The following BRINP3 variants were observed in gnomAD, a reference collection of about 807,000 sequenced individuals.
The protein encoded by BRINP3 is BMP/retinoic acid inducible neural specific 3, also known as BMP/retinoic acid-inducible neural-specific protein 3.
BRINP3 carries 19 observed loss-of-function variants against 71.0 expected under a neutral mutation model. The observed-to-expected ratio is 0.27, with a 90% CI of 0.19 to 0.39. BRINP3 has a LOEUF of 0.39. BRINP3 is among the 10% of genes least tolerant of loss of function. The pLI, the probability that BRINP3 is intolerant of heterozygous loss-of-function variation, is 1.00. For synonymous variants in BRINP3, 380 were observed against 337.7 expected, an observed-to-expected ratio of 1.13 and a Z score of -1.37; for missense variants, 959 against 940.8, an observed-to-expected ratio of 1.02 and a Z score of -0.25.
chr1:190,398,110 T>C (rs1236878127), intron 2 of BRINP3, among the ~76,000 whole-genome samples: 2 of 152,042 alleles, frequency 1.3e-5, no homozygotes, highest in African/African-American at 4.8e-5. Context: ...CCAAAAGTGA[T>C]TTAATTTTAC....
chr1:190,172,451 A>T (rs551565624), intron 6 of BRINP3, among the ~76,000 whole-genome samples: 1 of 152,132 alleles, frequency 6.6e-6, no homozygotes, highest in African/African-American at 2.4e-5. Flanking sequence ...TGTTACTTAA[A>T]TTTGTCAGAA....
intron 4 of BRINP3, among the ~76,000 whole-genome samples, chr1:190,253,435 T>C (rs558666294): frequency 6.6e-6 from 1 of 152,324 alleles, no homozygotes; most frequent in East Asian, 1.9e-4. Flanking sequence ...CTCCAGCATC[T>C]GTTGTTTCCT....
chr1:190,468,471 A>G (rs1022762067), intron 1 of BRINP3, among the ~76,000 whole-genome samples: 1 of 151,286 alleles, frequency 6.6e-6, no homozygotes, highest in African/African-American at 2.4e-5. Flanking sequence ...AATTGATTGA[A>G]CAAGATATTT....
At chr1:190,130,815 C>T (rs1654476101) in intron 7 of BRINP3, among the ~76,000 whole-genome samples, 1 of 151,864 alleles carries the variant, frequency 6.6e-6, no homozygotes, top group Non-Finnish European at 1.5e-5. Context: ...CGGTGCTTTC[C>T]CACATACTCC....
chr1:190,177,264 G>A (rs1053615516), intron 6 of BRINP3, among the ~76,000 whole-genome samples: 3 of 136,192 alleles, frequency 2.2e-5, no homozygotes, highest in Admixed American at 8.2e-5. Context: ...CCAGATTTAC[G>A]CCATTCTCCT....
chr1:190,402,944 CT>C (rs372869358), intron 2 of BRINP3, among the ~76,000 whole-genome samples: 1 of 152,204 alleles, frequency 6.6e-6, no homozygotes, highest in East Asian at 1.9e-4. Context: ...CCAGGCTGGT[CT>C]CCAACTGCTG....
At chr1:190,445,773 TGGAA>T (rs1206778195) in intron 2 of BRINP3, among the ~76,000 whole-genome samples, 2 of 152,124 alleles carry the variant, frequency 1.3e-5, no homozygotes, top group African/African-American at 4.8e-5. Flanking sequence ...CAATTTCACT[TGGAA>T]GAAGACCGCA....
At chr1:190,456,518 C>A (rs2102637681) in intron 1 of BRINP3, among the ~76,000 whole-genome samples, 1 of 151,910 alleles carries the variant, frequency 6.6e-6, no homozygotes, top group East Asian at 1.9e-4. Context: ...TATAAATGTA[C>A]CATTGTCAAA....
At chr1:190,134,318 A>T (rs988400939) in intron 7 of BRINP3, among the ~76,000 whole-genome samples, 9 of 152,106 alleles carry the variant, frequency 5.9e-5, no homozygotes, top group African/African-American at 1.9e-4. Context: ...CAAGACAGGG[A>T]TAACAAAGAT....
chr1:190,329,238 T>A (rs1666805341), intron 2 of BRINP3, among the ~76,000 whole-genome samples: 1 of 152,158 alleles, frequency 6.6e-6, no homozygotes. Flanking sequence ...AACTACCTCT[T>A]TTTGCAGACA....
At chr1:190,129,633 G>C (rs1452020233) in intron 7 of BRINP3, among the ~76,000 whole-genome samples, 1 of 151,980 alleles carries the variant, frequency 6.6e-6, no homozygotes, top group Non-Finnish European at 1.5e-5. Context: ...CTTTTAAACT[G>C]TAGATGATGT....
At chr1:190,414,114 T>C (rs1672861768) in intron 2 of BRINP3, among the ~76,000 whole-genome samples, 2 of 151,972 alleles carry the variant, frequency 1.3e-5, no homozygotes, top group Admixed American at 6.6e-5. Flanking sequence ...ACGATGACCA[T>C]GTTTTATTTT....
intron 4 of BRINP3, among the ~76,000 whole-genome samples, chr1:190,263,938 C>G (rs1419516164): frequency 1.3e-5 from 2 of 152,122 alleles, no homozygotes; most frequent in Non-Finnish European, 2.9e-5. Flanking sequence ...ATTTTAGTTT[C>G]ATAAAGTAAT....
chr1:190,213,445 A>G (rs1656153184), intron 6 of BRINP3, among the ~76,000 whole-genome samples: 1 of 152,094 alleles, frequency 6.6e-6, no homozygotes, highest in African/African-American at 2.4e-5. Context: ...CCTCAAACTT[A>G]GAAAATAATT....
At position 190,417,624 on chromosome 1, in the gene BRINP3, A is replaced by G. The variant is rs146064987; in HGVS notation, c.236+37031T>C. On this transcript the variant is annotated intron_variant, in intron 2 of 7. Coordinates refer to ENST00000367462, the MANE Select transcript of BRINP3 (RefSeq NM_199051.3). ...ACATACTTGGCACTTACTGTAGCAT[A>G]TGTTTTTAATGCTAAATAATTGGCC... Among the ~76,000 whole-genome samples the G allele has an allele frequency of 5.9e-5, 9 of 152,290 alleles. No individual in the cohort carries two copies. In the East Asian group the frequency reaches 1.7e-3, roughly 29 times the overall value.
intron 2 of BRINP3, among the ~76,000 whole-genome samples, chr1:190,356,226 C>T (rs1668719665): frequency 6.6e-6 from 1 of 151,848 alleles, no homozygotes; most frequent in Non-Finnish European, 1.5e-5. Flanking sequence ...GAGCAGAATG[C>T]CTGGAACTTG....
At position 190,156,565 on chromosome 1, in the gene BRINP3, A is replaced by T. The variant is rs1656883278; in HGVS notation, c.1184+4103T>A. Among the ~76,000 whole-genome samples the T allele has an allele frequency of 3.3e-5, 5 of 150,822 alleles. No homozygotes were observed. In the Admixed American group the frequency reaches 3.4e-4, roughly 10 times the overall value. On this transcript the variant is annotated intron_variant, in intron 7 of 7. Coordinates refer to ENST00000367462, the MANE Select transcript of BRINP3 (RefSeq NM_199051.3). ...TTTCATATTATTCTTTTAAAATGGA[A>T]AAAAAGAGAGATAGAAACAAAATGT...
At chr1:190,336,836 C>CTTCCCTCCTTCCCTCCCTCCCTCCT (rs1558193030) in intron 2 of BRINP3, among the ~76,000 whole-genome samples, 1 of 126,490 alleles carries the variant, frequency 7.9e-6, no homozygotes, top group Non-Finnish European at 1.7e-5. Flanking sequence ...CCCTCCCTCC[C>CTTCCCTCCTTCCCTCCCTCCCTCCT]TCCTTCCTTC....
chr1:190,250,300 GTTTTATTTAAT>G lies in BRINP3; in HGVS notation c.618+14554_618+14564del, dbSNP rs888027845. Among the ~76,000 whole-genome samples, 16 of 152,028 alleles carry G rather than the reference GTTTTATTTAAT, an allele frequency of 1.1e-4. 1 individual carries two copies. The East Asian group carries it at 1.4e-3, about 13-fold the overall frequency. On this transcript the variant is annotated intron_variant, in intron 4 of 7. Coordinates refer to ENST00000367462, the MANE Select transcript of BRINP3 (RefSeq NM_199051.3). ...CTAATTATTTCTTAAACCTAGCTAA[GTTTTATTTAAT>G]TCCCTGAGCAAAAAGTGTTCAAATT...
Sources: gnomAD v4.1 joint callset for allele counts (sites outside exome capture counted in the v4.1 genomes callset) on GRCh38, gnomAD v4.1.1 for gene constraint, MANE v1.5 for transcripts, NCBI Gene and HGNC (gene_info 2026-07-23, HGNC 2026-07-21) for gene names.